The following ZNF33B variants were observed in gnomAD, a reference collection of about 807,000 sequenced individuals.
ZNF33B encodes the protein zinc finger protein 11b (KOX 2).
ZNF33B carries 29 observed loss-of-function variants against 45.8 expected under a neutral mutation model. The ratio of observed to expected loss-of-function variants is 0.63; its 90% CI spans 0.47 to 0.86. The LOEUF (loss-of-function observed/expected upper bound fraction) is 0.86, where lower values mean the gene tolerates loss of function less well. Ranked by LOEUF, ZNF33B falls within the 40% of genes least tolerant of loss-of-function variation. The pLI is 0.00. For missense variants in ZNF33B, 831 were observed against 909.9 expected (o/e 0.91, Z 1.12); for synonymous variants, 305 against 307.8 (o/e 0.99, Z 0.10).
intron 2 of ZNF33B, among the ~76,000 whole-genome samples, chr10:42,635,611 A>G (rs1384219315): frequency 6.6e-6 from 1 of 151,858 alleles, no homozygotes; most frequent in Non-Finnish European, 1.5e-5. Flanking sequence ...GGAGACTGAG[A>G]CCAGCCTGGC....
rs888863446 is a variant in ZNF33B at position 42,591,857 on chromosome 10, C to G, written c.*756G>C. The G allele has an allele frequency of 3.3e-5, 5 of 152,392 alleles. No homozygotes were observed. Among genetic ancestry groups the G allele is most frequent in the African/African-American group, 1.2e-4 (5 of 41,448 alleles). 9.4% of individuals were successfully genotyped at this position (152,392 alleles called of 1,614,324 possible). ...TGTAATCCTGAAACAGTACAGATCTCAGACTCCTTTTCCATTCTGTAAACT... is the reference window on the plus strand; with the variant it reads ...TGTAATCCTGAAACAGTACAGATCTGAGACTCCTTTTCCATTCTGTAAACT... On this transcript the variant is annotated 3_prime_UTR_variant, in exon 5 of 5. Coordinates refer to ENST00000359467, the MANE Select transcript of ZNF33B (RefSeq NM_006955.3).
intron 4 of ZNF33B, among the ~76,000 whole-genome samples, chr10:42,625,655 T>G (rs1409369027): frequency 6.6e-6 from 1 of 152,202 alleles, no homozygotes; most frequent in Non-Finnish European, 1.5e-5. Flanking sequence ...GTATTTTTAG[T>G]AGAGATGGGG....
chr10:42,636,250 T>C (rs113647441), intron 2 of ZNF33B, among the ~76,000 whole-genome samples: 261 of 152,308 alleles, frequency 1.7e-3, no homozygotes, highest in African/African-American at 5.4e-3. Context: ...TTTGACTCAA[T>C]AGGCTGCACT....
At chr10:42,634,353 G>A (rs1442259207) in intron 2 of ZNF33B, among the ~76,000 whole-genome samples, 1 of 151,814 alleles carries the variant, frequency 6.6e-6, no homozygotes, top group African/African-American at 2.4e-5. Flanking sequence ...GTTGCAGTGA[G>A]CTAAGATCGC....
At chr10:42,633,543 A>G (rs774690850) in intron 2 of ZNF33B, among the ~76,000 whole-genome samples, 1 of 152,146 alleles carries the variant, frequency 6.6e-6, no homozygotes, top group Non-Finnish European at 1.5e-5. Context: ...ATTCATTAAG[A>G]AAAAAAATGT....
Position 42,591,140 on chromosome 10 carries a change from T to C in ZNF33B, c.*1473A>G. On this transcript the variant is annotated 3_prime_UTR_variant, in exon 5 of 5. Transcript: ENST00000359467. ...TCTCCAGCCTCAACCCTCCTCTTCA[T>C]ATTCTCAAAAGTCTCTGAAGGCCCA... 2.5e-6 allele frequency: 1 copy of C among 401,820 alleles called. No individual in the cohort carries two copies. Among genetic ancestry groups the C allele is most frequent in the Non-Finnish European group, 3.4e-6 (1 of 296,864 alleles). 24.9% of individuals were successfully genotyped at this position (401,820 alleles called of 1,614,324 possible).
At chr10:42,623,690 T>C (rs1838686054) in intron 4 of ZNF33B, among the ~76,000 whole-genome samples, 1 of 152,232 alleles carries the variant, frequency 6.6e-6, no homozygotes, top group Non-Finnish European at 1.5e-5. Context: ...AATGAGTAGT[T>C]ACTGCTTAAT....
rs1054623676 is a variant in ZNF33B at position 42,590,316 on chromosome 10, A to G, written c.*2297T>C. On this transcript the variant is annotated 3_prime_UTR_variant, in exon 5 of 5. Coordinates refer to ENST00000359467, the MANE Select transcript of ZNF33B (RefSeq NM_006955.3). ...ACAGTACAGACTTGGTATCATTTCTACCTTAAGTATCTCGAAAAATGCACA... is the reference window on the plus strand; with the variant it reads ...ACAGTACAGACTTGGTATCATTTCTGCCTTAAGTATCTCGAAAAATGCACA... 1 of 152,124 alleles carries G rather than the reference A, an allele frequency of 6.6e-6. No individual in the cohort carries two copies. Among genetic ancestry groups the G allele is most frequent in the Non-Finnish European group, 1.5e-5 (1 of 68,014 alleles). The allele number at this position is 152,124 out of a possible 1,614,324, so 9.4% of individuals were successfully genotyped here. A position where few individuals can be genotyped will look rare whatever the true frequency, so the allele number is the denominator to read the frequency against.
At chr10:42,578,501 C>T (rs1836780104) in intron 1 of ZNF33B, 1 of 152,714 alleles carries the variant, frequency 6.5e-6, no homozygotes, top group African/African-American at 2.4e-5. Flanking sequence ...CAGGTTCCCT[C>T]TCCCAGCCAG....
In ZNF33B at chr10:42,594,165, A is replaced by T; in HGVS notation, c.785T>A (p.Leu262His). Reference protein sequence around the residue: ...FGRTFCDSSSLLFHQIPPSKD... With the variant: ...FGRTFCDSSSHLFHQIPPSKD... Reference sequence around the variant, plus strand: ...TGATGGAGGTATCTGATGGAACAAGAGGGATGAACTATCACAGAAAGTTCT... The same window carrying T: ...TGATGGAGGTATCTGATGGAACAAGTGGGATGAACTATCACAGAAAGTTCT... The change falls in exon 5 of 5, where the codon CTC becomes CAC. Residue 262 changes from leucine to histidine, a missense_variant. Coordinates refer to ENST00000359467, the MANE Select transcript of ZNF33B (RefSeq NM_006955.3). 1 of 1,613,896 alleles carries T rather than the reference A, an allele frequency of 6.2e-7. No individual in the cohort carries two copies. The highest frequency in any genetic ancestry group is 8.5e-7 in the Non-Finnish European group (1 of 1,179,946).
chr10:42,625,623 G>A (rs539191563), intron 4 of ZNF33B, among the ~76,000 whole-genome samples: 1 of 152,134 alleles, frequency 6.6e-6, no homozygotes, highest in African/African-American at 2.4e-5. Flanking sequence ...ACTGGCATGC[G>A]CCACCACACC....
intron 1 of ZNF33B, among the ~76,000 whole-genome samples, 182 bp downstream of exon 1, chr10:42,638,292 G>A (rs529179588): frequency 1.3e-5 from 2 of 152,382 alleles, no homozygotes; most frequent in Admixed American, 6.5e-5. Context: ...GCTCCCTACA[G>A]AGGCTGCGCC....
chr10:42,578,904 G>C (rs576965514), intron 1 of ZNF33B, among the ~76,000 whole-genome samples: 2 of 152,314 alleles, frequency 1.3e-5, no homozygotes, highest in African/African-American at 4.8e-5. Flanking sequence ...ATTTTTTGTT[G>C]TTCCTGTTGT....
intron 1 of ZNF33B, among the ~76,000 whole-genome samples, chr10:42,638,213 C>G (rs965487488): frequency 3.3e-5 from 5 of 152,272 alleles, no homozygotes; most frequent in South Asian, 2.1e-4. Flanking sequence ...GCTCAGCGCT[C>G]GGACCGCGCA....
chr10:42,630,648 G>A (rs1001879531), intron 4 of ZNF33B, among the ~76,000 whole-genome samples: 23 of 151,980 alleles, frequency 1.5e-4, no homozygotes, highest in African/African-American at 4.6e-4. Flanking sequence ...CCTGCCTTCC[G>A]GCTTTGTCTA....
chr10:42,632,111 A>C (rs1282914257), intron 3 of ZNF33B, 87 bp from the exon 4 acceptor site: 9 of 1,513,042 alleles, frequency 5.9e-6, no homozygotes, highest in Non-Finnish European at 8.2e-6. Flanking sequence ...GGGCTGCTTC[A>C]AGTTGCCAGT....
At chr10:42,587,734 C>A (rs1416253596), downstream of ZNF33B, among the ~76,000 whole-genome samples, 3 of 152,214 alleles carry the variant, frequency 2.0e-5, no homozygotes, top group Admixed American at 2.0e-4. Context: ...CTCAGGCACA[C>A]TGGCGAGGGT....
At chr10:42,604,169 G>A (rs1364478122) in intron 4 of ZNF33B, among the ~76,000 whole-genome samples, 1 of 152,206 alleles carries the variant, frequency 6.6e-6, no homozygotes, top group Non-Finnish European at 1.5e-5. Flanking sequence ...TTCAGGCCAG[G>A]TGCAGTGGCT....
intron 4 of ZNF33B, among the ~76,000 whole-genome samples, chr10:42,596,856 T>C (rs1398579441): frequency 2.6e-5 from 4 of 152,044 alleles, no homozygotes; most frequent in Admixed American, 6.6e-5. Context: ...ATTTCCTACG[T>C]AGATAATCAT....
Sources: allele counts gnomAD v4.1 joint callset (sites outside exome capture counted in the v4.1 genomes callset), GRCh38; gene constraint gnomAD v4.1.1; transcripts MANE v1.5; gene names NCBI Gene and HGNC (gene_info 2026-07-23, HGNC 2026-07-21).